MAP3K4: variants seen among roughly 807,000 people sequenced by gnomAD.
The protein encoded by MAP3K4 is mitogen-activated protein kinase kinase kinase 4, also known as MAP three kinase 1.
A neutral mutation model predicts 185.6 loss-of-function variants in MAP3K4; 67 were observed. The observed-to-expected ratio is 0.36, with a 90% CI of 0.30 to 0.44. The LOEUF is 0.44. Ranked by LOEUF, MAP3K4 falls within the 20% of genes least tolerant of loss-of-function variation. MAP3K4 has a pLI of 1.00. For synonymous variants in MAP3K4, 702 were observed against 710.4 expected, an observed-to-expected ratio of 0.99 and a Z score of 0.19; for missense variants, 1,551 against 1,995.1, an observed-to-expected ratio of 0.78 and a Z score of 4.24.
chr6:161,000,861 G>A (rs1252312339), intron 1 of MAP3K4, among the ~76,000 whole-genome samples: 1 of 149,320 alleles, frequency 6.7e-6, no homozygotes, highest in African/African-American at 2.5e-5. Flanking sequence ...ATATACACAT[G>A]TGTACACATA....
intron 7 of MAP3K4, among the ~76,000 whole-genome samples, chr6:161,085,891 C>G (rs1785686372): frequency 6.6e-6 from 1 of 152,136 alleles, no homozygotes; most frequent in Non-Finnish European, 1.5e-5. Context: ...ACATCTCTTC[C>G]CATTTCATTG....
In MAP3K4 at chr6:161,064,335, A is replaced by G. The variant is rs1019464985; in HGVS notation, c.1708-6273A>G. Among the ~76,000 whole-genome samples the G allele has an allele frequency of 6.6e-6, 1 of 152,218 alleles. No homozygotes were observed. Among genetic ancestry groups the G allele is most frequent in the African/African-American group, 2.4e-5 (1 of 41,454 alleles). On this transcript the variant is annotated intron_variant, in intron 3 of 26. Coordinates refer to ENST00000392142, the MANE Select transcript of MAP3K4 (RefSeq NM_005922.4). This position sits in a 1 kb window ranked among gnomAD's most constrained non-coding sequence, Gnocchi z 4.3. ...TTCTAAAACAGCTGCATAATTTTAGAAATGAATACTTGTGATACTGTGAGG... is the reference window on the plus strand; with the variant it reads ...TTCTAAAACAGCTGCATAATTTTAGGAATGAATACTTGTGATACTGTGAGG...
rs193076244 is a variant in MAP3K4 at position 161,034,818 on chromosome 6, T to C, written c.343+369T>C. Among the ~76,000 whole-genome samples, 3 of 152,266 alleles carry C rather than the reference T, an allele frequency of 2.0e-5. No individual in the cohort carries two copies. The highest frequency in any genetic ancestry group is 2.0e-4 in the Admixed American group (3 of 15,294). On this transcript the variant is annotated intron_variant, in intron 2 of 26. Coordinates refer to ENST00000392142, the MANE Select transcript of MAP3K4 (RefSeq NM_005922.4). This position sits in a 1 kb window ranked among gnomAD's most constrained non-coding sequence, Gnocchi z 4.4. ...ATTTCCTCTGCCCAGAAGTGGTGTA[T>C]TGGGGATTTGAGGAGAGACAGAGCC...
At chr6:161,005,246 C>T (rs1056931079) in intron 1 of MAP3K4, among the ~76,000 whole-genome samples, 1 of 151,720 alleles carries the variant, frequency 6.6e-6, no homozygotes, top group Non-Finnish European at 1.5e-5. Context: ...TCAAGTGATC[C>T]TCCCACCTCA....
intron 19 of MAP3K4, 47 bp downstream of exon 19, chr6:161,102,826 A>G: frequency 8.8e-7 from 1 of 1,141,292 alleles, no homozygotes; most frequent in Non-Finnish European, 1.2e-6. Flanking sequence ...AAAAAAAAAC[A>G]CGATTACACA....
Position 161,110,772 on chromosome 6 carries a change from C to T in MAP3K4, c.4396+858C>T, listed in dbSNP as rs553838569. Among the ~76,000 whole-genome samples the T allele has an allele frequency of 3.8e-4, 58 of 152,264 alleles. No individual in the cohort carries two copies. The highest frequency in any genetic ancestry group is 7.1e-4 in the Non-Finnish European group (48 of 68,012). On this transcript the variant is annotated intron_variant, in intron 23 of 26. Transcript: ENST00000392142. This position sits in a 1 kb window ranked among gnomAD's most constrained non-coding sequence, Gnocchi z 4.8. The stretch of plus-strand genomic sequence containing the variant: ...TCACCCTGAATCACCCAGCATACAC[C>T]GGTCTCATTGGCTGCCTGCCTGTCC...
At chr6:161,006,008 G>A (rs705830) in intron 1 of MAP3K4, among the ~76,000 whole-genome samples, 1 of 152,074 alleles carries the variant, frequency 6.6e-6, no homozygotes, top group Non-Finnish European at 1.5e-5. Flanking sequence ...GGCTGGTTTC[G>A]AATTCCTGAC....
At chr6:161,081,170 C>A in intron 6 of MAP3K4, 132 bp downstream of exon 6, 2 of 955,796 alleles carry the variant, frequency 2.1e-6, no homozygotes, top group Non-Finnish European at 3.0e-6. Flanking sequence ...CTCATATGTG[C>A]ACCCTCTTCC....
At position 161,007,355 on chromosome 6, in the gene MAP3K4, A is replaced by T. The variant is rs1310376213; in HGVS notation, c.152+15272A>T. Among the ~76,000 whole-genome samples the T allele has an allele frequency of 4.6e-5, 7 of 152,222 alleles. No individual in the cohort carries two copies. Among genetic ancestry groups the T allele is most frequent in the Non-Finnish European group, 1.0e-4 (7 of 68,034 alleles). ...AGAGGAGGGAGAAACTTAGGGTTTT[A>T]TAAAACGTGGGAATTACTGAGGAAG... On this transcript the variant is annotated intron_variant, in intron 1 of 26. Transcript: ENST00000392142. The surrounding 1 kb of genome is among the most constrained non-coding windows in gnomAD (Gnocchi z 4.5).
chr6:160,998,047 T>A lies in MAP3K4; in HGVS notation c.152+5964T>A, dbSNP rs549570991. Among the ~76,000 whole-genome samples, 27 of 152,178 alleles carry A rather than the reference T, an allele frequency of 1.8e-4. No individual in the cohort carries two copies. The South Asian group carries it at 4.4e-3, about 25-fold the overall frequency. ...TTTAAAATAAATAAATAAATAAAAA[T>A]AAATAAAGAGATGGCAGTCTCTGTA... On this transcript the variant is annotated intron_variant, in intron 1 of 26. Transcript: ENST00000392142.
At position 161,007,937 on chromosome 6, in the gene MAP3K4, G is replaced by A. The variant is rs977643706; in HGVS notation, c.152+15854G>A. On this transcript the variant is annotated intron_variant, in intron 1 of 26. Transcript: ENST00000392142. This position sits in a 1 kb window ranked among gnomAD's most constrained non-coding sequence, Gnocchi z 4.5. ...AGAGATGTTAAAATTAGGGAAAAAC[G>A]TGTGTTTTAAAATCAGTGAAGTATG... Among the ~76,000 whole-genome samples the A allele has an allele frequency of 8.5e-5, 13 of 152,128 alleles. No individual in the cohort carries two copies. Among genetic ancestry groups the A allele is most frequent in the African/African-American group, 1.9e-4 (8 of 41,434 alleles).
rs1352828658 is a variant in MAP3K4, at chr6:161,115,612, C to T, written c.4806+310C>T. ...GTATAGTCTACTTGGAGGGTCAAGA[C>T]GGTAATGACTAATCATTATACTGAG... On this transcript the variant is annotated intron_variant, in intron 26 of 26. Transcript: ENST00000392142. The surrounding 1 kb of genome is among the most constrained non-coding windows in gnomAD (Gnocchi z 6.0). Among the ~76,000 whole-genome samples the T allele has an allele frequency of 3.3e-5, 5 of 152,048 alleles. No individual in the cohort carries two copies. The highest frequency in any genetic ancestry group is 9.7e-5 in the African/African-American group (4 of 41,382).
rs1784635285 is a variant in MAP3K4 at position 161,064,856 on chromosome 6, G to GTC, written c.1708-5751_1708-5750dup. ...ACGCCTACAGGCCGCTCATGCAGAG[G>GTC]TCAGGAAGTGCAGACAGGGAGAGAG... On this transcript the variant is annotated intron_variant, in intron 3 of 26. Transcript: ENST00000392142. This position sits in a 1 kb window ranked among gnomAD's most constrained non-coding sequence, Gnocchi z 4.3. Among the ~76,000 whole-genome samples the GTC allele has an allele frequency of 1.3e-5, 2 of 152,206 alleles. No homozygotes were observed. The highest frequency in any genetic ancestry group is 2.9e-5 in the Non-Finnish European group (2 of 68,044).
At chr6:161,036,146 A>G (rs956231392) in intron 2 of MAP3K4, among the ~76,000 whole-genome samples, 2 of 152,228 alleles carry the variant, frequency 1.3e-5, no homozygotes, top group African/African-American at 2.4e-5. Context: ...TGCGAGAGAT[A>G]GAGGGAAAGG....
rs905938634 is a variant in MAP3K4 at position 161,082,608 on chromosome 6, C to T, written c.2255+1570C>T. Among the ~76,000 whole-genome samples, 5 of 152,072 alleles carry T rather than the reference C, an allele frequency of 3.3e-5. No individual in the cohort carries two copies. The highest frequency in any genetic ancestry group is 9.7e-5 in the African/African-American group (4 of 41,408). ...ATCTGTTGTATTAGAGCAGCAGCTC[C>T]GGCTTCAAACACTGTTTCTCCCAGG... On this transcript the variant is annotated intron_variant, in intron 6 of 26. Coordinates refer to ENST00000392142, the MANE Select transcript of MAP3K4 (RefSeq NM_005922.4). The surrounding 1 kb of genome is among the most constrained non-coding windows in gnomAD (Gnocchi z 4.2).
intron 5 of MAP3K4, among the ~76,000 whole-genome samples, chr6:161,078,371 C>T (rs1785276604): frequency 6.6e-6 from 1 of 152,160 alleles, no homozygotes. Context: ...GTGCAGGCAG[C>T]AGCGGGGACG....
At chr6:161,040,410 C>T (rs912918352) in intron 2 of MAP3K4, among the ~76,000 whole-genome samples, 4 of 151,690 alleles carry the variant, frequency 2.6e-5, no homozygotes, top group Non-Finnish European at 1.5e-5. Context: ...ATTTAGAAAA[C>T]GTGAGGAATC....
At chr6:161,105,788 A>G (rs1172225717) in intron 19 of MAP3K4, among the ~76,000 whole-genome samples, 4 of 151,540 alleles carry the variant, frequency 2.6e-5, no homozygotes, top group East Asian at 1.9e-4. Flanking sequence ...GGGTTTGGAT[A>G]TTTGGTTAGT....
intron 7 of MAP3K4, among the ~76,000 whole-genome samples, chr6:161,085,044 G>C (rs1583212547): frequency 6.6e-6 from 1 of 152,020 alleles, no homozygotes; most frequent in African/African-American, 2.4e-5. Flanking sequence ...CTATTCAGGA[G>C]GCTGAGGCAG....
Sources: gnomAD v4.1 joint callset for allele counts (sites outside exome capture counted in the v4.1 genomes callset) on GRCh38, gnomAD v4.1.1 for gene constraint, Gnocchi (gnomAD v3.1) non-coding constraint, MANE v1.5 for transcripts, NCBI Gene and HGNC (gene_info 2026-07-23, HGNC 2026-07-21) for gene names.